The following EPS8 variants were observed in gnomAD, a reference collection of about 807,000 sequenced individuals.
EPS8 encodes EGFR pathway substrate 8, signaling adaptor, also known as epidermal growth factor receptor kinase substrate 8.
EPS8 carries 42 observed loss-of-function variants against 103.8 expected under a neutral mutation model. The ratio of observed to expected loss-of-function variants is 0.40; its 90% CI spans 0.32 to 0.52. The LOEUF (loss-of-function observed/expected upper bound fraction) is 0.52, where lower values mean the gene tolerates loss of function less well. EPS8 is among the 20% of genes least tolerant of loss of function. The probability of loss-of-function intolerance (pLI) is 0.40; values close to 1 mark genes in which losing one functional copy is unlikely to be tolerated. For synonymous variants in EPS8, 344 were observed against 344.6 expected, an observed-to-expected ratio of 1.00 and a Z score of 0.02; for missense variants, 969 against 1,005.1, an observed-to-expected ratio of 0.96 and a Z score of 0.49.
intron 1 of EPS8, among the ~76,000 whole-genome samples, chr12:15,720,604 A>C (rs916759443): frequency 5.9e-5 from 9 of 152,200 alleles, no homozygotes; most frequent in African/African-American, 2.2e-4. Context: ...GGTGTTCCTT[A>C]AATCTGGTCG....
rs553704985 is a variant in EPS8, at chr12:15,744,676, C to T, written c.-22+44485G>A. Among the ~76,000 whole-genome samples the T allele has an allele frequency of 1.3e-5, 2 of 152,172 alleles. 1 individual carries two copies. Among genetic ancestry groups the T allele is most frequent in the African/African-American group, 4.8e-5 (2 of 41,494 alleles). ...AATTTGAGTAACTTGCAAATTCATA[C>T]AGGTACTAAGTGGTAAAGGCTGGTT... On this transcript the variant is annotated intron_variant, in intron 1 of 20. Transcript: ENST00000281172.
intron 1 of EPS8, chr12:15,683,272 C>A: frequency 5.5e-6 from 1 of 180,294 alleles, no homozygotes; most frequent in East Asian, 1.4e-4. Context: ...TACATTCTGC[C>A]CAAACTCATA....
At chr12:15,648,649 A>G (rs920995836) in intron 14 of EPS8, among the ~76,000 whole-genome samples, 1 of 152,172 alleles carries the variant, frequency 6.6e-6, no homozygotes, top group Non-Finnish European at 1.5e-5. Flanking sequence ...TAAAGAGGGG[A>G]GTGCTCTAAC....
chr12:15,677,477 G>C (rs963123052), intron 3 of EPS8, among the ~76,000 whole-genome samples: 2 of 152,122 alleles, frequency 1.3e-5, no homozygotes, highest in African/African-American at 4.8e-5. Flanking sequence ...ACTGTGGTCA[G>C]TGCGTAAAAA....
At chr12:15,682,841 TCAC>T (rs999075026) in intron 2 of EPS8, 49 bp downstream of exon 2, 17 of 968,392 alleles carry the variant, frequency 1.8e-5, no homozygotes, top group Middle Eastern at 2.3e-4. Flanking sequence ...ACAATTAAAA[TCAC>T]CAAATCAAAT....
In EPS8 at chr12:15,669,693, C is replaced by T. The variant is rs1359849198; in HGVS notation, c.337G>A (p.Ala113Thr). ...GATTCTAAATCAATCAGGCTCACAG[C>T]TCTGTCATCCACTTGAAGAATCATA... The part of the protein sequence containing the change: ...QDMILQVDDR[A>T]VSLIDLESKN... The change falls in exon 5 of 21, where the codon GCT (alanine) becomes ACT (threonine). Residue 113 changes from alanine (A) to threonine (T), a missense_variant. Ala to Thr is a moderately conservative substitution (Grantham distance 58). Transcript: ENST00000281172. 1.2e-5 allele frequency: 20 copies of T among 1,610,300 alleles called. No individual in the cohort carries two copies. Among genetic ancestry groups the T allele is most frequent in the African/African-American group, 2.7e-5 (2 of 74,654 alleles).
At chr12:15,649,280 G>A (rs1191264480) in intron 14 of EPS8, among the ~76,000 whole-genome samples, 4 of 152,098 alleles carry the variant, frequency 2.6e-5, no homozygotes, top group Non-Finnish European at 4.4e-5. Context: ...AATTGAGAAC[G>A]AAATCACAAA....
chr12:15,683,051 A>AAT, intron 1 of EPS8, 79 bp from the exon 2 acceptor site: 1 of 677,114 alleles, frequency 1.5e-6, no homozygotes, highest in Non-Finnish European at 2.5e-6. Flanking sequence ...TCATTCAACA[A>AAT]ATATGTGTTG....
At chr12:15,667,635 C>A (rs1262674245) in intron 6 of EPS8, among the ~76,000 whole-genome samples, 1 of 151,964 alleles carries the variant, frequency 6.6e-6, no homozygotes, top group African/African-American at 2.4e-5. Flanking sequence ...AATTTTACTG[C>A]AAAGGTGGGC....
At chr12:15,653,800 C>T (rs772577358) in intron 13 of EPS8, among the ~76,000 whole-genome samples, 16 of 152,274 alleles carry the variant, frequency 1.1e-4, no homozygotes, top group Middle Eastern at 3.4e-3. Flanking sequence ...GCACTGTGCG[C>T]GCGCGCGCGC....
chr12:15,672,610 T>C (rs1196046498), intron 3 of EPS8: 3 of 395,302 alleles, frequency 7.6e-6, no homozygotes, highest in Non-Finnish European at 1.3e-5. Context: ...ATTCTACATA[T>C]TTTTAAAAAG....
Position 15,760,911 on chromosome 12 carries a change from C to A in EPS8, c.-22+28250G>T, listed in dbSNP as rs1014660240. Among the ~76,000 whole-genome samples, 2 of 151,996 alleles carry A rather than the reference C, an allele frequency of 1.3e-5. No individual in the cohort carries two copies. The highest frequency in any genetic ancestry group is 2.9e-5 in the Non-Finnish European group (2 of 67,954). ...GGCACACAGGAAGTATGCCCACTTT[C>A]ACCATTATTATTCAATGCAGTACTC... On this transcript the variant is annotated intron_variant, in intron 1 of 20. Coordinates refer to ENST00000281172, the MANE Select transcript of EPS8 (RefSeq NM_004447.6). This position sits in a 1 kb window ranked among gnomAD's most constrained non-coding sequence, Gnocchi z 4.5.
chr12:15,671,619 A>C (rs995474936), intron 3 of EPS8: 5 of 152,174 alleles, frequency 3.3e-5, no homozygotes, highest in South Asian at 4.1e-4. Flanking sequence ...GAAATGCTGC[A>C]AAACCAAAAA....
rs947821103 is a variant in EPS8 at position 15,734,586 on chromosome 12, C to T, written c.-21-51614G>A. ...GTGGGCGCCTGTGGTCCCAGCTACT[C>T]GGGAGGCTGAGGCAGGAGAATGGCG... is the stretch of plus-strand genomic sequence containing the variant. On this transcript the variant is annotated intron_variant, in intron 1 of 20. Transcript: ENST00000281172. The surrounding 1 kb of genome is among the most constrained non-coding windows in gnomAD (Gnocchi z 4.1). 2.6e-5 allele frequency among the ~76,000 whole-genome samples: 4 copies of T among 151,882 alleles called. No individual in the cohort carries two copies. Among genetic ancestry groups the T allele is most frequent in the Non-Finnish European group, 4.4e-5 (3 of 67,952 alleles).
intron 1 of EPS8, among the ~76,000 whole-genome samples, chr12:15,744,719 T>C (rs748528280): frequency 4.6e-5 from 7 of 152,326 alleles, no homozygotes; most frequent in Non-Finnish European, 7.3e-5. Flanking sequence ...TAAGTAATTA[T>C]AACACAGTAT....
intron 3 of EPS8, among the ~76,000 whole-genome samples, chr12:15,677,972 C>T (rs188964980): frequency 1.3e-5 from 2 of 152,272 alleles, no homozygotes; most frequent in East Asian, 3.9e-4. Flanking sequence ...TCGGGGGCTG[C>T]ATTCCTTACC....
At chr12:15,770,738 A>G (rs1256132156) in intron 1 of EPS8, among the ~76,000 whole-genome samples, 3 of 152,226 alleles carry the variant, frequency 2.0e-5, no homozygotes, top group Admixed American at 1.3e-4. Context: ...AACAGAGTAC[A>G]TTCTGATTGT....
Position 15,624,380 on chromosome 12 carries a change from T to C in EPS8, c.2072A>G (p.Gln691Arg), listed in dbSNP as rs1442132008. The C allele has an allele frequency of 3.2e-6, 5 of 1,577,774 alleles. No individual in the cohort carries two copies. Among genetic ancestry groups the C allele is most frequent in the Non-Finnish European group, 4.3e-6 (5 of 1,158,144 alleles). ...DRRKSQMEEV[Q>R]DELIHRLTIG... ...GGTCAGTCTGTGGATGAGTTCATCT[T>C]GCACTTCCTCCATCTGAGATTTCCT... The change falls in exon 19 of 21, where the codon CAA (glutamine) becomes CGA (arginine). Residue 691 changes from glutamine (Q) to arginine (R), a missense_variant. Physicochemically the swap from Gln to Arg is conservative, Grantham distance 43. Coordinates refer to ENST00000281172, the MANE Select transcript of EPS8 (RefSeq NM_004447.6).
intron 6 of EPS8, among the ~76,000 whole-genome samples, chr12:15,668,073 A>G (rs907037502): frequency 6.6e-6 from 1 of 152,194 alleles, no homozygotes; most frequent in African/African-American, 2.4e-5. Context: ...AAATTTCACT[A>G]TATTTTTAAA....
Sources: gnomAD v4.1 joint callset for allele counts (sites outside exome capture counted in the v4.1 genomes callset) on GRCh38, gnomAD v4.1.1 for gene constraint, Gnocchi (gnomAD v3.1) non-coding constraint, MANE v1.5 for transcripts, NCBI Gene and HGNC (gene_info 2026-07-23, HGNC 2026-07-21) for gene names.